Variants in SLK observed in about 807,000 individuals in gnomAD.
SLK encodes the protein STE20-like serine/threonine-protein kinase.
SLK carries 67 observed loss-of-function variants against 147.7 expected under a neutral mutation model. That is an observed-to-expected ratio of 0.45 (90% CI 0.37 to 0.56). SLK has a LOEUF of 0.56. Among genes scored for constraint, SLK ranks in the 20% least tolerant of loss-of-function variants. The pLI is 0.00. For synonymous variants in SLK, 441 were observed against 475.0 expected, an observed-to-expected ratio of 0.93 and a Z score of 0.93; for missense variants, 1,136 against 1,438.8, an observed-to-expected ratio of 0.79 and a Z score of 3.41.
Position 104,010,912 on chromosome 10 carries a change from ACAG to A in SLK, c.2877+12_2877+14del, listed in dbSNP as rs769033781. On this transcript the variant is annotated splice_donor_5th_base_variant and intron_variant, in intron 13 of 18. Transcript: ENST00000369755. ...TGCACAAAGCCAGCATGCTCAGGTA[ACAG>A]CAGCAGCTTAATGCTACTAAAACCA... 2.6e-6 allele frequency: 4 copies of A among 1,561,650 alleles called. No homozygotes were observed. The Admixed American group carries it at 6.4e-5, about 25-fold the overall frequency.
intron 14 of SLK, 71 bp downstream of exon 14, chr10:104,018,360 A>T: frequency 7.1e-7 from 1 of 1,404,546 alleles, no homozygotes; most frequent in Non-Finnish European, 9.8e-7. Flanking sequence ...GAATGTAAAC[A>T]TATAACCCTT....
chr10:103,999,380 A>G, intron 6 of SLK, 67 bp downstream of exon 6: 1 of 1,165,788 alleles, frequency 8.6e-7, no homozygotes, highest in Non-Finnish European at 1.2e-6. Context: ...TTGATGTTAT[A>G]TTCTCACAAT....
intron 3 of SLK, 40 bp downstream of exon 3, chr10:103,992,686 A>G (rs1319859806): frequency 6.5e-7 from 1 of 1,530,260 alleles, no homozygotes; most frequent in South Asian, 1.2e-5. Context: ...ATCTTAAATT[A>G]TACTTGATAA....
At position 104,025,703 on chromosome 10, in the gene SLK, C is replaced by T. The variant is rs1354707441; in HGVS notation, c.3691C>T (p.His1231Tyr). The change falls in exon 19 of 19, where the codon CAT becomes TAT. Residue 1231 changes from histidine (H) to tyrosine (Y), a missense_variant. Coordinates refer to ENST00000369755, the MANE Select transcript of SLK (RefSeq NM_014720.4). ...ISKFYPIPSL[H>Y]STGS ...CAAATTTTATCCTATTCCCAGCTTGCATTCCACCGGATCATAACAAAGGGA... is the reference window on the plus strand; with the variant it reads ...CAAATTTTATCCTATTCCCAGCTTGTATTCCACCGGATCATAACAAAGGGA... 8 of 1,614,086 alleles carry T rather than the reference C, an allele frequency of 5.0e-6. No individual in the cohort carries two copies. Among genetic ancestry groups the T allele is most frequent in the Non-Finnish European group, 6.8e-6 (8 of 1,179,960 alleles).
At chr10:103,968,037 C>G in intron 1 of SLK, 142 bp downstream of exon 1, 2 of 853,062 alleles carry the variant, frequency 2.3e-6, no homozygotes, top group Non-Finnish European at 3.6e-6. Context: ...CTTGGCTGAT[C>G]ATCCAAGGAG....
At chr10:104,025,463 G>C in intron 18 of SLK, 111 bp from the exon 19 acceptor site, 2 of 1,033,292 alleles carry the variant, frequency 1.9e-6, no homozygotes, top group Non-Finnish European at 2.8e-6. Flanking sequence ...GTCTTCTTGA[G>C]GATTATATAC....
At chr10:103,973,279 C>A (rs560706923) in intron 1 of SLK, among the ~76,000 whole-genome samples, 67 of 152,334 alleles carry the variant, frequency 4.4e-4, no homozygotes, top group African/African-American at 1.5e-3. Context: ...GAACTATTTG[C>A]TGGGAAGAAA....
intron 16 of SLK, among the ~76,000 whole-genome samples, 186 bp from the exon 17 acceptor site, chr10:104,020,302 G>A (rs866552602): frequency 4.3e-4 from 65 of 152,296 alleles, no homozygotes; most frequent in African/African-American, 1.5e-3. Flanking sequence ...GGAGGATCAA[G>A]GTTTTAATCA....
chr10:104,005,433 A>G (rs978806106), intron 9 of SLK, 128 bp from the exon 10 acceptor site: 4 of 742,690 alleles, frequency 5.4e-6, no homozygotes, highest in Non-Finnish European at 8.6e-6. Flanking sequence ...TATACTTTCT[A>G]TGTGTAGTCT....
chr10:103,991,303 G>C (rs1298548003), intron 2 of SLK, among the ~76,000 whole-genome samples: 1 of 152,084 alleles, frequency 6.6e-6, no homozygotes, highest in East Asian at 1.9e-4. Flanking sequence ...TGCATGATGT[G>C]ATGGCTAAAG....
rs1429050718 is a variant in SLK, at chr10:104,026,967, C to G, written c.*1247C>G. On this transcript the variant is annotated 3_prime_UTR_variant, in exon 19 of 19. Transcript: ENST00000369755. ...TCCCTTATGAGGCTTAGAATTTCAA[C>G]CACGTGTCAGGTCAGACAGTATTAT... is the stretch of plus-strand genomic sequence containing the variant. 1 of 152,176 alleles carries G rather than the reference C, an allele frequency of 6.6e-6. No individual in the cohort carries two copies. The highest frequency in any genetic ancestry group is 1.5e-5 in the Non-Finnish European group (1 of 68,016). The allele number at this position is 152,176 out of a possible 1,614,324, so 9.4% of individuals were successfully genotyped here. A position where few individuals can be genotyped will look rare whatever the true frequency, so the allele number is the denominator to read the frequency against.
intron 12 of SLK, among the ~76,000 whole-genome samples, chr10:104,009,713 G>A (rs1039185164): frequency 6.6e-6 from 1 of 151,956 alleles, no homozygotes; most frequent in African/African-American, 2.4e-5. Flanking sequence ...TTTTTGTTTG[G>A]GGGTAGGAGA....
Position 104,003,356 on chromosome 10 carries a change from A to C in SLK, c.2178A>C (p.Ile726=), listed in dbSNP as rs745564249. 1.2e-6 allele frequency: 2 copies of C among 1,613,850 alleles called. No homozygotes were observed. Among genetic ancestry groups the C allele is most frequent in the Non-Finnish European group, 1.7e-6 (2 of 1,179,760 alleles). ...NSDSGENKEE[I]GSLSKTETIL... is the part of the protein sequence containing the mutation. ...ACAGTGGAGAAAATAAAGAAGAAAT[A>C]GGTTCTTTATCAAAAACTGAAACTA... Residue 726 remains isoleucine (I), a synonymous_variant, in exon 9 of 19, where the codon ATA becomes ATC. Transcript: ENST00000369755.
chr10:103,991,268 A>G (rs1844089495), intron 2 of SLK, among the ~76,000 whole-genome samples: 1 of 152,158 alleles, frequency 6.6e-6, no homozygotes, highest in Non-Finnish European at 1.5e-5. Flanking sequence ...TTAAATATTT[A>G]TCGTATTATC....
In SLK at chr10:104,002,398, A is replaced by G. The variant is rs201455950; in HGVS notation, c.1220A>G (p.Glu407Gly). Reference protein sequence around the residue: ...INEHITDAQLEAMTELHDRTA... With the variant: ...INEHITDAQLGAMTELHDRTA... ...GAACATATTACCGATGCTCAGTTAG[A>G]AGCAATGACTGAACTCCATGACAGA... The change falls in exon 9 of 19, where the codon GAA (glutamate) becomes GGA (glycine). Residue 407 changes from glutamate to glycine, a missense_variant. This residue lies in a region of SLK where 516 missense variants were observed against 531.3 expected (regional missense o/e 0.97). Transcript: ENST00000369755. 36 of 1,613,828 alleles carry G rather than the reference A, an allele frequency of 2.2e-5. No individual in the cohort carries two copies. The highest frequency in any genetic ancestry group is 3.0e-5 in the Non-Finnish European group (35 of 1,179,974).
chr10:103,993,601 A>G (rs557235983), intron 4 of SLK, among the ~76,000 whole-genome samples: 3 of 152,292 alleles, frequency 2.0e-5, no homozygotes, highest in Admixed American at 6.5e-5. Flanking sequence ...AAGTAATCTT[A>G]GTTCTGAAGA....
chr10:104,019,077 A>G (rs1844501176), intron 15 of SLK, 169 bp downstream of exon 15: 1 of 560,138 alleles, frequency 1.8e-6, no homozygotes, highest in East Asian at 3.5e-5. Flanking sequence ...CTTGATCATG[A>G]TTGCAAACTT....
Position 104,019,704 on chromosome 10 carries a change from G to A in SLK, c.3133-30G>A, listed in dbSNP as rs111294834. The A allele has an allele frequency of 1.6e-4, 245 of 1,545,764 alleles. 1 individual carries two copies. In the African/African-American group the frequency reaches 2.8e-3, roughly 18 times the overall value. ...TGTGGGTACTGACTATTGTTTCTGC[G>A]TCACTGGATTCTATTTAAAACTTTC... is the stretch of plus-strand genomic sequence containing the variant. On this transcript the variant is annotated intron_variant, in intron 15 of 18. Transcript: ENST00000369755.
intron 7 of SLK, 31 bp downstream of exon 7, chr10:103,999,979 A>G: frequency 1.2e-5 from 11 of 954,962 alleles, no homozygotes; most frequent in Non-Finnish European, 1.7e-5. Flanking sequence ...CAAATAATAT[A>G]ATTATTTTAA....
Sources: allele counts gnomAD v4.1 joint callset (sites outside exome capture counted in the v4.1 genomes callset), GRCh38; gene constraint gnomAD v4.1.1; regional missense constraint gnomAD v4.1.1; transcripts MANE v1.5; gene names NCBI Gene and HGNC (gene_info 2026-07-23, HGNC 2026-07-21).